The following ZNF608 variants were observed in gnomAD, a reference collection of about 807,000 sequenced individuals.
The protein encoded by ZNF608 is renal carcinoma antigen NY-REN-36.
ZNF608 carries 12 observed loss-of-function variants against 109.0 expected under a neutral mutation model. That is an observed-to-expected ratio of 0.11 (90% CI 0.07 to 0.18). The LOEUF (loss-of-function observed/expected upper bound fraction) is 0.18, where lower values mean the gene tolerates loss of function less well. Ranked by LOEUF, ZNF608 falls within the 10% of genes least tolerant of loss-of-function variation. The pLI is 1.00. For synonymous variants in ZNF608, 732 were observed against 717.4 expected (o/e 1.02, Z -0.33); for missense variants, 1,707 against 1,879.3 (o/e 0.91, Z 1.70).
At chr5:124,671,394 GA>G (rs1314001793) in intron 3 of ZNF608, among the ~76,000 whole-genome samples, 3 of 151,958 alleles carry the variant, frequency 2.0e-5, no homozygotes, top group African/African-American at 7.3e-5. Flanking sequence ...CACCATATCC[GA>G]AAGGTCATTT....
intron 3 of ZNF608, among the ~76,000 whole-genome samples, chr5:124,666,882 A>G (rs1285357134): frequency 5.3e-5 from 8 of 152,208 alleles, no homozygotes; most frequent in Admixed American, 5.2e-4. Context: ...CCAGTATGCA[A>G]GCATATATTC....
intron 3 of ZNF608, 47 bp downstream of exon 3, chr5:124,700,967 A>G (rs768832945): frequency 6.2e-7 from 1 of 1,603,648 alleles, no homozygotes; most frequent in Non-Finnish European, 8.5e-7. Flanking sequence ...TAAATACATC[A>G]TGGGGAAGAG....
chr5:124,739,250 C>T (rs1003971601), intron 2 of ZNF608, among the ~76,000 whole-genome samples: 2 of 152,132 alleles, frequency 1.3e-5, no homozygotes, highest in African/African-American at 4.8e-5. Flanking sequence ...AATGTTTTAC[C>T]CAGGGCTCTA....
chr5:124,704,999 T>G (rs1051976682), intron 2 of ZNF608, among the ~76,000 whole-genome samples: 4 of 151,902 alleles, frequency 2.6e-5, no homozygotes, highest in Admixed American at 2.6e-4. Context: ...CAATTCTTTC[T>G]GCTAGGTAAG....
rs372262943 is a variant in ZNF608, at chr5:124,744,328, T to C, written c.662A>G (p.His221Arg). The C allele has an allele frequency of 6.2e-6, 10 of 1,614,098 alleles. No individual in the cohort carries two copies. Among genetic ancestry groups the C allele is most frequent in the Admixed American group, 1.7e-5 (1 of 60,012 alleles). ...RKDKHDLLQGHQNGSGSQAPS... is the reference protein window; with the variant it reads ...RKDKHDLLQGRQNGSGSQAPS... ...GGCCTGGCTGCCACTGCCATTCTGG[T>C]GGCCCTGAAGCAGGTCGTGCTTGTC... Residue 221 changes from histidine to arginine, a missense_variant, in exon 2 of 10, where the codon CAC (histidine) becomes CGC (arginine). Physicochemically the swap from His to Arg is conservative, Grantham distance 29 (BLOSUM62 0). Coordinates refer to ENST00000513986, the MANE Select transcript of ZNF608 (RefSeq NM_020747.3). The surrounding 1 kb of genome is among the most constrained non-coding windows in gnomAD (Gnocchi z 4.5).
At chr5:124,732,792 T>C (rs1748966117) in intron 2 of ZNF608, among the ~76,000 whole-genome samples, 1 of 152,162 alleles carries the variant, frequency 6.6e-6, no homozygotes, top group Non-Finnish European at 1.5e-5. Flanking sequence ...ACCTTTCTTC[T>C]ACTTTTTACT....
In ZNF608 at chr5:124,641,458, A is replaced by C. The variant is rs1750236622; in HGVS notation, c.4297-53T>G. 2.8e-5 allele frequency: 44 copies of C among 1,549,710 alleles called. 1 individual carries two copies. The South Asian group carries it at 5.4e-4, about 19-fold the overall frequency. ...CTTCATGCTCTGAAAATCAACTTTT[A>C]AGAGTACTAAACCACCTTTGTCCCT... is the stretch of plus-strand genomic sequence containing the variant. On this transcript the variant is annotated intron_variant, in intron 7 of 9. Transcript: ENST00000513986.
chr5:124,719,435 G>T (rs1213187429), intron 2 of ZNF608, among the ~76,000 whole-genome samples: 1 of 152,234 alleles, frequency 6.6e-6, no homozygotes, highest in Non-Finnish European at 1.5e-5. Context: ...GCCACTTACA[G>T]ATTTGTTTGC....
chr5:124,643,929 C>T (rs770217591), intron 6 of ZNF608, among the ~76,000 whole-genome samples: 7 of 152,044 alleles, frequency 4.6e-5, no homozygotes, highest in Non-Finnish European at 1.0e-4. Flanking sequence ...TTTACGTGTC[C>T]GCTTAAGTGA....
Position 124,644,266 on chromosome 5 carries a change from G to T in ZNF608, c.4101C>A (p.Pro1367=). The change falls in exon 6 of 10, where the codon CCC becomes CCA. Residue 1367 remains proline (P), a synonymous_variant. Transcript: ENST00000513986. The part of the protein sequence containing the change: ...PSHPAYRAVS[P]VLMHSYPGAY... ...TACCAGGATAACTGTGCATTAGGAC[G>T]GGAGAAACAGCCCGGTATGCAGGAT... 1.9e-6 allele frequency: 3 copies of T among 1,610,532 alleles called. No homozygotes were observed. The highest frequency in any genetic ancestry group is 2.5e-6 in the Non-Finnish European group (3 of 1,177,090).
chr5:124,699,176 C>G (rs1211889461), intron 3 of ZNF608, among the ~76,000 whole-genome samples: 1 of 152,162 alleles, frequency 6.6e-6, no homozygotes, highest in African/African-American at 2.4e-5. Flanking sequence ...ATCTTCAATA[C>G]TTTTTTATAC....
intron 1 of ZNF608, 146 bp downstream of exon 1, chr5:124,746,049 C>T: frequency 2.2e-6 from 2 of 893,764 alleles, no homozygotes; most frequent in Non-Finnish European, 2.7e-6. Flanking sequence ...CCAAGGTGGC[C>T]TCAATGACCG....
intron 2 of ZNF608, among the ~76,000 whole-genome samples, chr5:124,722,872 T>C (rs1753988034): frequency 6.6e-6 from 1 of 152,064 alleles, no homozygotes. Context: ...TAAGAAATAA[T>C]ATTTATATTA....
chr5:124,741,261 T>C (rs968529028), intron 2 of ZNF608, among the ~76,000 whole-genome samples: 7 of 152,104 alleles, frequency 4.6e-5, no homozygotes, highest in Non-Finnish European at 1.0e-4. Context: ...AGGTCCAATT[T>C]ATCATGTTTT....
chr5:124,641,331 C>A lies in ZNF608; in HGVS notation c.4371G>T (p.Gln1457His). ...RERDRHSPFGQRHLHTHHHTH... is the reference protein window; with the variant it reads ...RERDRHSPFGHRHLHTHHHTH... ...TGTGGTGGTGCGTGTGCAGGTGCCGCTGGCCGAAGGGGGAGTGGCGATCCC... is the reference window on the plus strand; with the variant it reads ...TGTGGTGGTGCGTGTGCAGGTGCCGATGGCCGAAGGGGGAGTGGCGATCCC... Residue 1457 changes from glutamine to histidine, a missense_variant, in exon 8 of 10, where the codon CAG becomes CAT. By Grantham distance (24) the Gln-to-His change is conservative. This residue lies in a region of ZNF608 where 1,073 missense variants were observed against 1,133.5 expected (regional missense o/e 0.95). Transcript: ENST00000513986. 3 of 1,614,032 alleles carry A rather than the reference C, an allele frequency of 1.9e-6. No homozygotes were observed. The highest frequency in any genetic ancestry group is 2.5e-6 in the Non-Finnish European group (3 of 1,180,020).
chr5:124,664,374 T>C (rs1751393273), intron 3 of ZNF608, among the ~76,000 whole-genome samples: 1 of 152,154 alleles, frequency 6.6e-6, no homozygotes, highest in African/African-American at 2.4e-5. Flanking sequence ...AAGTTGGGGC[T>C]TCCTCTGAAG....
At chr5:124,644,148 T>G in intron 6 of ZNF608, 96 bp downstream of exon 6, 1 of 1,129,038 alleles carries the variant, frequency 8.9e-7, no homozygotes, top group Non-Finnish European at 1.2e-6. Context: ...AAAACAAATG[T>G]CACTCTTGAA....
chr5:124,663,255 G>A (rs1437347249), intron 3 of ZNF608, among the ~76,000 whole-genome samples: 1 of 152,172 alleles, frequency 6.6e-6, no homozygotes, highest in East Asian at 1.9e-4. Flanking sequence ...CTTTGAAAGA[G>A]AAAACAGGCA....
chr5:124,637,994 A>T, intron 9 of ZNF608, 88 bp from the exon 10 acceptor site: 3 of 1,467,854 alleles, frequency 2.0e-6, no homozygotes, highest in Non-Finnish European at 2.8e-6. Flanking sequence ...CTTGTTGCCC[A>T]GGCTAGAGTG....
Sources: allele counts gnomAD v4.1 joint callset (sites outside exome capture counted in the v4.1 genomes callset), GRCh38; gene constraint gnomAD v4.1.1; regional missense constraint gnomAD v4.1.1; non-coding constraint Gnocchi (gnomAD v3.1); transcripts MANE v1.5; gene names NCBI Gene and HGNC (gene_info 2026-07-23, HGNC 2026-07-21).